Variants in AFDN observed in about 807,000 individuals in gnomAD.
AFDN encodes afadin, adherens junction formation factor, also known as afadin.
In AFDN, 68 loss-of-function variants were observed where a neutral mutation model predicts 216.6. The ratio of observed to expected loss-of-function variants is 0.31; its 90% CI spans 0.26 to 0.38. AFDN has a LOEUF of 0.38. Ranked by LOEUF, AFDN falls within the 10% of genes least tolerant of loss-of-function variation. AFDN has a pLI of 1.00. For synonymous variants in AFDN, 868 were observed against 853.7 expected (o/e 1.02, Z -0.29); for missense variants, 2,136 against 2,342.0 (o/e 0.91, Z 1.82).
chr6:167,965,094 G>A, intron 31 of AFDN: 2 of 1,018,524 alleles, frequency 2.0e-6, no homozygotes, highest in Non-Finnish European at 2.4e-6. Flanking sequence ...TGAAATACAA[G>A]TTAAGAACTA....
intron 1 of AFDN, among the ~76,000 whole-genome samples, chr6:167,847,466 C>G (rs187382147): frequency 6.6e-6 from 1 of 152,052 alleles, no homozygotes; most frequent in South Asian, 2.1e-4. Context: ...GCACTCTCAT[C>G]GGCACCGCAC....
Position 167,914,234 on chromosome 6 carries a change from A to T in AFDN, c.2125A>T (p.Ile709Phe), listed in dbSNP as rs763616970. The T allele has an allele frequency of 1.2e-6, 2 of 1,614,234 alleles. No homozygotes were observed. The highest frequency in any genetic ancestry group is 1.1e-5 in the South Asian group (1 of 91,086). ...MANASELLNF[I>F]KQDRDLSRIT... is the part of the protein sequence containing the mutation. ...AAATGCATCTGAACTTCTCAACTTC[A>T]TTAAGCAAGACCGAGACCTTAGTCG... Residue 709 changes from isoleucine (I) to phenylalanine (F), a missense_variant, in exon 17 of 34, where the codon ATT becomes TTT. Physicochemically the swap from Ile to Phe is conservative, Grantham distance 21. Around this residue, in one of 8 missense-constraint regions of AFDN, gnomAD observed 817 missense variants for 965.7 expected, o/e 0.85. Transcript: ENST00000683244.
rs59521151 is a variant in AFDN at position 167,956,114 on chromosome 6, C to CAAAAAAA, written c.4833+3947_4833+3953dup. On this transcript the variant is annotated intron_variant, in intron 30 of 33. Transcript: ENST00000683244. ...TGGGGAACAGAGCGAGACTTTGGCT[C>CAAAAAAA]AAAAAAAAAAAAAAAAAAAAAAAAA... is the stretch of plus-strand genomic sequence containing the variant. Among the ~76,000 whole-genome samples, 15 of 41,296 alleles carry CAAAAAAA rather than the reference C, an allele frequency of 3.6e-4. 1 individual carries two copies. Among genetic ancestry groups the CAAAAAAA allele is most frequent in the South Asian group, 1.4e-3 (1 of 732 alleles). 27.1% of individuals were successfully genotyped at this position (41,296 alleles called of 152,430 possible).
At chr6:167,933,850 TG>T (rs1450782805) in intron 23 of AFDN, among the ~76,000 whole-genome samples, 2 of 152,210 alleles carry the variant, frequency 1.3e-5, no homozygotes, top group East Asian at 3.8e-4. Context: ...AATGATAATT[TG>T]TAGAGTTTAC....
chr6:167,872,189 A>T lies in AFDN; in HGVS notation c.415-25A>T, dbSNP rs748789755. The T allele has an allele frequency of 3.8e-6, 6 of 1,596,166 alleles. No homozygotes were observed. In the East Asian group the frequency reaches 1.3e-4, roughly 36 times the overall value. On this transcript the variant is annotated intron_variant, in intron 3 of 33. Transcript: ENST00000683244. ...TATGTGATTCTGCATAGTAGTCAAT[A>T]TGGTGATAATGTTACTTTCATCAGA...
chr6:167,885,090 C>T (rs1237075226), intron 6 of AFDN, among the ~76,000 whole-genome samples: 1 of 152,180 alleles, frequency 6.6e-6, no homozygotes, highest in African/African-American at 2.4e-5. Flanking sequence ...CTTCTGCATC[C>T]TTCTCACCTC....
At chr6:167,895,586 T>C (rs972918474) in intron 9 of AFDN, among the ~76,000 whole-genome samples, 8 of 152,168 alleles carry the variant, frequency 5.3e-5, no homozygotes, top group Non-Finnish European at 8.8e-5. Flanking sequence ...ATAGAAAATT[T>C]TGTCATTAGA....
chr6:167,874,951 A>G (rs1785185293), intron 4 of AFDN, among the ~76,000 whole-genome samples: 1 of 152,146 alleles, frequency 6.6e-6, no homozygotes, highest in Non-Finnish European at 1.5e-5. Context: ...TTTTTGCAAA[A>G]TTAAGTATTC....
At chr6:167,968,320 C>T (rs192415914) in intron 32 of AFDN, 2 of 152,282 alleles carry the variant, frequency 1.3e-5, no homozygotes, top group Admixed American at 1.3e-4. Flanking sequence ...GGTGGGAAAC[C>T]TGAGTGAAGG....
chr6:167,840,221 TTGAGACC>T (rs758223319), intron 1 of AFDN, among the ~76,000 whole-genome samples: 1 of 152,254 alleles, frequency 6.6e-6, no homozygotes, highest in Non-Finnish European at 1.5e-5. Context: ...GGGGTAAGGC[TTGAGACC>T]TTATTTAAAA....
chr6:167,885,828 T>G (rs1786729238), intron 6 of AFDN, among the ~76,000 whole-genome samples: 1 of 152,242 alleles, frequency 6.6e-6, no homozygotes, highest in South Asian at 2.1e-4. Flanking sequence ...CAACAAGGTA[T>G]GCCTGTACAT....
At chr6:167,925,532 G>A (rs1273191875) in intron 23 of AFDN, among the ~76,000 whole-genome samples, 1 of 152,156 alleles carries the variant, frequency 6.6e-6, no homozygotes. Flanking sequence ...GCTACACAAG[G>A]AGATTTCTGG....
chr6:167,874,842 C>T (rs955605868), intron 4 of AFDN, among the ~76,000 whole-genome samples: 3 of 151,964 alleles, frequency 2.0e-5, no homozygotes, highest in Non-Finnish European at 2.9e-5. Flanking sequence ...CTCCAACTCC[C>T]GACCTCAGAT....
At chr6:167,942,535 A>G (rs575844317) in intron 23 of AFDN, among the ~76,000 whole-genome samples, 2 of 152,202 alleles carry the variant, frequency 1.3e-5, no homozygotes, top group Non-Finnish European at 2.9e-5. Flanking sequence ...TGATTCTGAA[A>G]ACAATTATAT....
At chr6:167,882,235 C>T (rs144460695) in intron 6 of AFDN, among the ~76,000 whole-genome samples, 106 of 151,548 alleles carry the variant, frequency 7.0e-4, no homozygotes, top group African/African-American at 2.3e-3. Context: ...AGTAAATAAG[C>T]GATAGAGGGG....
At chr6:167,966,118 C>G (rs1486058683) in intron 32 of AFDN, 73 bp downstream of exon 32, 2 of 1,535,718 alleles carry the variant, frequency 1.3e-6, no homozygotes, top group East Asian at 4.9e-5. Flanking sequence ...CCACGGCCAC[C>G]CCCCTGCCAG....
At position 167,925,037 on chromosome 6, in the gene AFDN, C is replaced by T; in HGVS notation, c.3045C>T (p.Ile1015=). 1 of 1,613,820 alleles carries T rather than the reference C, an allele frequency of 6.2e-7. No individual in the cohort carries two copies. The highest frequency in any genetic ancestry group is 1.7e-5 in the Admixed American group (1 of 60,022). ...CTCTGAGGAAAGAACCTGAAATAATCACTGTGACCCTAAAAAAGCAGAATG... is the reference window on the plus strand; with the variant it reads ...CTCTGAGGAAAGAACCTGAAATAATTACTGTGACCCTAAAAAAGCAGAATG... ...AQPLRKEPEI[I]TVTLKKQNGM... Residue 1015 remains isoleucine, a synonymous_variant, in exon 23 of 34, where the codon ATC becomes ATT. Transcript: ENST00000683244.
intron 31 of AFDN, 80 bp from the exon 32 acceptor site, chr6:167,965,677 T>C (rs927570210): frequency 2.9e-5 from 38 of 1,305,050 alleles, no homozygotes; most frequent in Non-Finnish European, 3.9e-5. Context: ...TGATGAGGAT[T>C]GTTCCCTTTG....
At chr6:167,829,623 T>G (rs1459506641) in intron 1 of AFDN, among the ~76,000 whole-genome samples, 1 of 152,190 alleles carries the variant, frequency 6.6e-6, no homozygotes, top group Non-Finnish European at 1.5e-5. Context: ...TTGTATTTAT[T>G]TACTTGGGTA....
Sources: allele counts gnomAD v4.1 joint callset (sites outside exome capture counted in the v4.1 genomes callset), GRCh38; gene constraint gnomAD v4.1.1; regional missense constraint gnomAD v4.1.1; transcripts MANE v1.5; gene names NCBI Gene and HGNC (gene_info 2026-07-23, HGNC 2026-07-21).